CROCC: variants seen among roughly 807,000 people sequenced by gnomAD.
The protein encoded by CROCC is ciliary rootlet coiled-coil, rootletin.
CROCC carries 180 observed loss-of-function variants against 245.2 expected under a neutral mutation model. The ratio of observed to expected loss-of-function variants is 0.73; its 90% CI spans 0.65 to 0.83. The LOEUF (loss-of-function observed/expected upper bound fraction) is 0.83. Ranked by LOEUF, CROCC falls within the 40% of genes least tolerant of loss-of-function variation. The probability of loss-of-function intolerance (pLI) is 0.00; values close to 1 mark genes in which losing one functional copy is unlikely to be tolerated. For synonymous variants in CROCC, 1,205 were observed against 1,241.6 expected (o/e 0.97, Z 0.62); for missense variants, 2,688 against 2,779.4 (o/e 0.97, Z 0.74).
upstream of CROCC, among the ~76,000 whole-genome samples, chr1:16,920,048 C>T (rs767790463): frequency 4.0e-5 from 6 of 151,802 alleles, no homozygotes; most frequent in East Asian, 1.9e-4. Flanking sequence ...CATGCCACCA[C>T]GCCCCAGCTA....
chr1:16,951,612 A>G (rs1234424388), intron 20 of CROCC, among the ~76,000 whole-genome samples: 1 of 152,244 alleles, frequency 6.6e-6, no homozygotes, highest in African/African-American at 2.4e-5. Context: ...AGTGAAAGGT[A>G]TTGAAGATGA....
At chr1:16,949,507 C>A (rs913619161) in intron 19 of CROCC, among the ~76,000 whole-genome samples, 3 of 152,184 alleles carry the variant, frequency 2.0e-5, no homozygotes, top group Non-Finnish European at 4.4e-5. Context: ...ATACCATTTC[C>A]ATTCCCTGTA....
At chr1:16,949,167 G>A (rs1234191675) in intron 19 of CROCC, among the ~76,000 whole-genome samples, 1 of 152,296 alleles carries the variant, frequency 6.6e-6, no homozygotes, top group African/African-American at 2.4e-5. Flanking sequence ...CCTGTTGCCA[G>A]GATGACGTGG....
chr1:16,952,500 A>G (rs1263428819), intron 20 of CROCC, among the ~76,000 whole-genome samples: 2 of 150,058 alleles, frequency 1.3e-5, no homozygotes, highest in Non-Finnish European at 3.0e-5. Context: ...AAAAAAAAAG[A>G]AGTGGCAGCT....
At chr1:16,945,785 G>A (rs1158948685) in intron 15 of CROCC, among the ~76,000 whole-genome samples, 179 bp downstream of exon 15, 3 of 152,292 alleles carry the variant, frequency 2.0e-5, no homozygotes, top group African/African-American at 7.2e-5. Flanking sequence ...CTGGACCTCT[G>A]GTCCCAGCCA....
At position 16,970,342 on chromosome 1, in the gene CROCC, G is replaced by A. The variant is rs767511128; in HGVS notation, c.5541G>A (p.Leu1847=). ...AGCGGCGGCTGCTGCAGGAGCGCCT[G>A]GGAAGCCTGCAGCGCGCCCTGGCTC... ...QDERRLLQER[L]GSLQRALAQL... Residue 1847 remains leucine (L), a synonymous_variant, in exon 34 of 37, where the codon CTG becomes CTA. Transcript: ENST00000375541. 2.3e-5 allele frequency: 36 copies of A among 1,591,326 alleles called. No individual in the cohort carries two copies. The highest frequency in any genetic ancestry group is 2.9e-5 in the Non-Finnish European group (34 of 1,170,170).
In CROCC at chr1:16,944,299, C is replaced by T. The variant is rs1267664189; in HGVS notation, c.1991+17C>T. On this transcript the variant is annotated intron_variant, in intron 14 of 36. Transcript: ENST00000375541. ...TGAGCGCAGGTGAGCAGCATCTCGC[C>T]ACCCTGCCAGGACCCTTCAGATGTG... 2 of 1,521,218 alleles carry T rather than the reference C, an allele frequency of 1.3e-6. No homozygotes were observed. Among genetic ancestry groups the T allele is most frequent in the South Asian group, 2.5e-5 (2 of 80,572 alleles). The allele number at this position is 1,521,218 out of a possible 1,614,324, so 94.2% of individuals were successfully genotyped here.
chr1:16,931,685 G>C (rs1349495629), intron 8 of CROCC, among the ~76,000 whole-genome samples: 1 of 152,266 alleles, frequency 6.6e-6, no homozygotes, highest in Admixed American at 6.5e-5. Context: ...GGACATTGTG[G>C]CGCAGAGAGG....
rs758703536 is a variant in CROCC at position 16,970,444 on chromosome 1, G to A, written c.5643G>A (p.Thr1881=). The A allele has an allele frequency of 6.9e-6, 11 of 1,586,706 alleles. No homozygotes were observed. The highest frequency in any genetic ancestry group is 2.7e-5 in the African/African-American group (2 of 74,424). The part of the protein sequence containing the change: ...LEKDRVALRR[T]LDKVEREKLR... ...AGGACCGTGTAGCCCTCAGGAGGACGCTGGACAAGGTAGGCTGCTCCCCAG... is the reference window on the plus strand; with the variant it reads ...AGGACCGTGTAGCCCTCAGGAGGACACTGGACAAGGTAGGCTGCTCCCCAG... The change falls in exon 34 of 37, where the codon ACG becomes ACA. Residue 1881 remains threonine, a synonymous_variant. Coordinates refer to ENST00000375541, the MANE Select transcript of CROCC (RefSeq NM_014675.5).
In CROCC at chr1:16,924,311, C is replaced by T. The variant is rs1269080322; in HGVS notation, c.197-14C>T. ...GACCCAGAAGCCAACCATGTGCCCACTGTCCCTTGCCAGTCCTGCTGCCGG... is the reference window on the plus strand; with the variant it reads ...GACCCAGAAGCCAACCATGTGCCCATTGTCCCTTGCCAGTCCTGCTGCCGG... On this transcript the variant is annotated splice_polypyrimidine_tract_variant and intron_variant, in intron 2 of 36. Transcript: ENST00000375541. The T allele has an allele frequency of 8.7e-6, 14 of 1,609,246 alleles. No individual in the cohort carries two copies. Among genetic ancestry groups the T allele is most frequent in the Non-Finnish European group, 1.2e-5 (14 of 1,178,244 alleles).
At position 16,922,058 on chromosome 1, in the gene CROCC, A is replaced by G. The variant is rs1417353440; in HGVS notation, c.40A>G (p.Thr14Ala). 1.4e-5 allele frequency: 22 copies of G among 1,550,502 alleles called. No homozygotes were observed. Among genetic ancestry groups the G allele is most frequent in the Non-Finnish European group, 1.8e-5 (21 of 1,146,626 alleles). Residue 14 changes from threonine to alanine, a missense_variant, in exon 1 of 37, where the codon ACA becomes GCA. Around this residue, in one of 9 missense-constraint regions of CROCC, gnomAD observed 972 missense variants for 895.3 expected, o/e 1.09. Coordinates refer to ENST00000375541, the MANE Select transcript of CROCC (RefSeq NM_014675.5). Reference sequence around the variant, plus strand: ...GGCGGGGGCACAGGAGGTGGAGCTGACACTAGAGACGGTTATCCAGGTGGG... The same window carrying G: ...GGCGGGGGCACAGGAGGTGGAGCTGGCACTAGAGACGGTTATCCAGGTGGG... ...GLAGAQEVELTLETVIQTLES... is the reference protein window; with the variant it reads ...GLAGAQEVELALETVIQTLES...
At position 16,944,269 on chromosome 1, in the gene CROCC, G is replaced by C. The variant is rs1305852040; in HGVS notation, c.1978G>C (p.Glu660Gln). The C allele has an allele frequency of 1.3e-6, 2 of 1,541,190 alleles. No homozygotes were observed. Among genetic ancestry groups the C allele is most frequent in the East Asian group, 4.9e-5 (2 of 40,918 alleles). Residue 660 changes from glutamate (E) to glutamine (Q), a missense_variant, in exon 14 of 37, where the codon GAG becomes CAG. By Grantham distance (29) the Glu-to-Gln change is conservative (BLOSUM62 2). Coordinates refer to ENST00000375541, the MANE Select transcript of CROCC (RefSeq NM_014675.5). ...GCAGGATGGCGCGCGGGTGCGCCGG[G>C]AGCTTGAGCGCAGGTGAGCAGCATC... ...AVQDGARVRR[E>Q]LERSHRQLEQ...
chr1:16,936,980 G>A (rs1293425381), intron 9 of CROCC, 107 bp downstream of exon 9: 6 of 1,182,376 alleles, frequency 5.1e-6, no homozygotes, highest in African/African-American at 4.4e-5. Context: ...GCCTTCCTCT[G>A]TGAGCTCAGC....
At chr1:16,956,450 A>G (rs1490133770) in intron 25 of CROCC, among the ~76,000 whole-genome samples, 1 of 152,206 alleles carries the variant, frequency 6.6e-6, no homozygotes, top group East Asian at 1.9e-4. Flanking sequence ...CAAAAGGTAC[A>G]GATTTTGTGA....
chr1:16,931,277 T>G lies in CROCC; in HGVS notation c.850-14T>G, dbSNP rs762860027. On this transcript the variant is annotated splice_polypyrimidine_tract_variant and intron_variant, in intron 7 of 36. Coordinates refer to ENST00000375541, the MANE Select transcript of CROCC (RefSeq NM_014675.5). Reference sequence around the variant, plus strand: ...TCTCACACCAACCCTTCCCTCGGCATGTCTTCCCTCCAGTCCTTCAACGCC... The same window carrying G: ...TCTCACACCAACCCTTCCCTCGGCAGGTCTTCCCTCCAGTCCTTCAACGCC... 1 of 1,603,608 alleles carries G rather than the reference T, an allele frequency of 6.2e-7. No individual in the cohort carries two copies. The highest frequency in any genetic ancestry group is 8.5e-7 in the Non-Finnish European group (1 of 1,172,054).
intron 35 of CROCC, 111 bp from the exon 36 acceptor site, chr1:16,971,354 G>T (rs1486994010): frequency 1.4e-6 from 2 of 1,400,926 alleles, no homozygotes; most frequent in Non-Finnish European, 1.9e-6. Context: ...GATCTCTCCT[G>T]CCTTCCCCCT....
Position 16,949,311 on chromosome 1 carries a change from C to T in CROCC, c.2836+385C>T, listed in dbSNP as rs530212602. On this transcript the variant is annotated intron_variant, in intron 19 of 36. Coordinates refer to ENST00000375541, the MANE Select transcript of CROCC (RefSeq NM_014675.5). ...TCTTGGCCCCAGAATCCCAGCCCCA[C>T]TTCCCTGCACCGTTCCCATCCAGTC... 2.6e-5 allele frequency among the ~76,000 whole-genome samples: 4 copies of T among 152,322 alleles called. No individual in the cohort carries two copies. The South Asian group carries it at 8.3e-4, about 32-fold the overall frequency.
At chr1:16,959,880 C>G (rs1192521548) in intron 26 of CROCC, among the ~76,000 whole-genome samples, 1 of 151,942 alleles carries the variant, frequency 6.6e-6, no homozygotes, top group African/African-American at 2.4e-5. Flanking sequence ...TGTGGTATGC[C>G]TCCCCGCCTT....
chr1:16,935,549 T>C (rs2075769778), intron 8 of CROCC, among the ~76,000 whole-genome samples: 1 of 152,270 alleles, frequency 6.6e-6, no homozygotes, highest in African/African-American at 2.4e-5. Flanking sequence ...GCCTCCCGAG[T>C]AGCTGGGACT....
Sources: allele counts gnomAD v4.1 joint callset (sites outside exome capture counted in the v4.1 genomes callset), GRCh38; gene constraint gnomAD v4.1.1; regional missense constraint gnomAD v4.1.1; transcripts MANE v1.5; gene names NCBI Gene and HGNC (gene_info 2026-07-23, HGNC 2026-07-21).